The following IL1RAPL1 variants were observed in gnomAD, a reference collection of about 807,000 sequenced individuals.
IL1RAPL1 encodes the protein interleukin-1 receptor accessory protein-like 1.
In IL1RAPL1, 3 loss-of-function variants were observed where a neutral mutation model predicts 48.4. That is an observed-to-expected ratio of 0.06 (90% CI 0.03 to 0.16). The LOEUF is 0.16. Among genes scored for constraint, IL1RAPL1 ranks in the 10% least tolerant of loss-of-function variants. The pLI is 1.00. For missense variants in IL1RAPL1, 349 were observed against 530.6 expected (o/e 0.66, Z 3.36); for synonymous variants, 185 against 187.7 (o/e 0.99, Z 0.12).
chrX:29,603,265 CAAAA>C lies in IL1RAPL1; in HGVS notation c.704-65150_704-65147del, dbSNP rs36018587. Reference sequence around the variant, plus strand: ...TGGGTGACAAAGTGAGACTCTATCTCAAAAAAAAAAAAAAAAAACTGAACTAAAT... The same window carrying C: ...TGGGTGACAAAGTGAGACTCTATCTCAAAAAAAAAAAAAACTGAACTAAAT... On this transcript the variant is annotated intron_variant, in intron 5 of 10. Transcript: ENST00000378993. Among the ~76,000 whole-genome samples, 231 of 62,861 alleles carry C rather than the reference CAAAA, an allele frequency of 3.7e-3. 2 individuals carry two copies. The highest frequency in any genetic ancestry group is 0.012 in the African/African-American group (219 of 18,303). 54.6% of individuals were successfully genotyped at this position (62,861 alleles called of 115,157 possible).
At chrX:29,516,744 A>G (rs1040337379) in intron 5 of IL1RAPL1, among the ~76,000 whole-genome samples, 1 of 110,643 alleles carries the variant, frequency 9.0e-6, no homozygotes, top group Non-Finnish European at 1.9e-5. Flanking sequence ...GACTATCCTT[A>G]TACTTGTTTC....
At chrX:29,637,642 G>A (rs749771785) in intron 5 of IL1RAPL1, among the ~76,000 whole-genome samples, 1 of 111,056 alleles carries the variant, frequency 9.0e-6, no homozygotes, top group South Asian at 3.8e-4. Context: ...ATCTCTGTGT[G>A]TCCTCTGTAT....
intron 5 of IL1RAPL1, among the ~76,000 whole-genome samples, chrX:29,462,476 G>A (rs1934814238): frequency 9.0e-6 from 1 of 111,177 alleles, no homozygotes; most frequent in South Asian, 3.8e-4. Flanking sequence ...CTGAGACCTG[G>A]CACTATGGTC....
intron 5 of IL1RAPL1, among the ~76,000 whole-genome samples, chrX:29,631,493 C>T (rs1355303024): frequency 8.9e-6 from 1 of 112,043 alleles, no homozygotes; most frequent in Admixed American, 9.5e-5. Flanking sequence ...GTTGCCCAGG[C>T]TGGGCTCGAA....
chrX:28,878,591 G>T (rs1286905600), intron 2 of IL1RAPL1, among the ~76,000 whole-genome samples: 3 of 111,621 alleles, frequency 2.7e-5, no homozygotes, highest in African/African-American at 9.8e-5. Context: ...TCATTTATGG[G>T]GTAAAGACTG....
intron 2 of IL1RAPL1, among the ~76,000 whole-genome samples, chrX:28,973,361 A>G (rs1191206480): frequency 8.9e-6 from 1 of 112,277 alleles, no homozygotes; most frequent in African/African-American, 3.2e-5. Context: ...TAACTTTTGA[A>G]AGTTAAGCCA....
chrX:28,684,770 A>G (rs1374487782), intron 1 of IL1RAPL1, among the ~76,000 whole-genome samples: 2 of 111,810 alleles, frequency 1.8e-5, no homozygotes, highest in Non-Finnish European at 3.8e-5. Context: ...TGCATTTCAT[A>G]GGGCTTTAGT....
intron 6 of IL1RAPL1, among the ~76,000 whole-genome samples, chrX:29,861,785 TAGTG>T (rs1011748498): frequency 3.6e-5 from 4 of 111,426 alleles, no homozygotes; most frequent in African/African-American, 9.8e-5. Context: ...AAAAAAAAAT[TAGTG>T]AGAAAAAATA....
chrX:28,603,271 T>C (rs944860762), intron 1 of IL1RAPL1, among the ~76,000 whole-genome samples: 2 of 111,611 alleles, frequency 1.8e-5, no homozygotes, highest in Non-Finnish European at 3.8e-5. Flanking sequence ...CCCTGACTAT[T>C]GAATATAATG....
intron 2 of IL1RAPL1, among the ~76,000 whole-genome samples, chrX:29,018,472 G>A (rs1355493948): frequency 8.9e-6 from 1 of 111,788 alleles, no homozygotes; most frequent in African/African-American, 3.3e-5. Flanking sequence ...CTAGCCTAGG[G>A]TGTCAGAAAG....
At chrX:29,466,500 T>C (rs1434372058) in intron 5 of IL1RAPL1, among the ~76,000 whole-genome samples, 1 of 112,072 alleles carries the variant, frequency 8.9e-6, no homozygotes, top group Non-Finnish European at 1.9e-5. Context: ...GGACTGAAAC[T>C]TATGACTTAA....
intron 2 of IL1RAPL1, among the ~76,000 whole-genome samples, chrX:28,938,602 G>A (rs770566367): frequency 6.3e-5 from 7 of 111,049 alleles, no homozygotes; most frequent in Non-Finnish European, 5.7e-5. Context: ...CATTCTGGAC[G>A]TAGGAATAGG....
intron 6 of IL1RAPL1, among the ~76,000 whole-genome samples, chrX:29,858,773 GT>G (rs201512382): frequency 1.9e-5 from 2 of 108,011 alleles, no homozygotes; most frequent in East Asian, 2.9e-4. Flanking sequence ...AGAGTGTTTT[GT>G]TTTTTTTTAA....
chrX:29,729,602 A>G (rs748279966), intron 6 of IL1RAPL1, among the ~76,000 whole-genome samples: 21 of 112,098 alleles, frequency 1.9e-4, no homozygotes, highest in African/African-American at 6.5e-4. Flanking sequence ...ATTCTGGAAC[A>G]TTCCAACTAC....
chrX:28,657,201 A>G (rs951045368), intron 1 of IL1RAPL1, among the ~76,000 whole-genome samples: 2 of 111,632 alleles, frequency 1.8e-5, no homozygotes, highest in African/African-American at 6.5e-5. Context: ...TGGGGTGTGT[A>G]ACATTTGTAC....
chrX:29,015,648 T>G (rs1334318377), intron 2 of IL1RAPL1, among the ~76,000 whole-genome samples: 1 of 110,889 alleles, frequency 9.0e-6, no homozygotes. Flanking sequence ...GCAAGGCCAC[T>G]CAAATTCACT....
intron 5 of IL1RAPL1, among the ~76,000 whole-genome samples, chrX:29,542,035 G>T (rs1323305195): frequency 9.0e-6 from 1 of 111,637 alleles, no homozygotes; most frequent in Non-Finnish European, 1.9e-5. Context: ...AGTAAGCAAT[G>T]ATCTCTGGTA....
chrX:29,233,852 G>A (rs1452818775), intron 2 of IL1RAPL1, among the ~76,000 whole-genome samples: 8 of 112,790 alleles, frequency 7.1e-5, no homozygotes, highest in Admixed American at 2.8e-4. Flanking sequence ...TTCCTGAAGA[G>A]ATAAATTCTC....
At chrX:29,364,604 A>C (rs1031983356) in intron 3 of IL1RAPL1, among the ~76,000 whole-genome samples, 12 of 109,614 alleles carry the variant, frequency 1.1e-4, no homozygotes, top group African/African-American at 4.0e-4. Flanking sequence ...TTGGAAAAAA[A>C]TTGTATATGT....
Sources: allele counts gnomAD v4.1 joint callset (sites outside exome capture counted in the v4.1 genomes callset), GRCh38; gene constraint gnomAD v4.1.1; transcripts MANE v1.5; gene names NCBI Gene and HGNC (gene_info 2026-07-23, HGNC 2026-07-21).